SGCD: variants seen among roughly 807,000 people sequenced by gnomAD.
SGCD encodes the protein sarcoglycan delta.
A neutral mutation model predicts 36.6 loss-of-function variants in SGCD; 18 were observed. The observed-to-expected ratio is 0.49, with a 90% CI of 0.34 to 0.73. SGCD has a LOEUF of 0.73. Ranked by LOEUF, SGCD falls within the 30% of genes least tolerant of loss-of-function variation. The probability of loss-of-function intolerance (pLI) is 0.01; values close to 1 mark genes in which losing one functional copy is unlikely to be tolerated. For synonymous variants in SGCD, 133 were observed against 130.6 expected (o/e 1.02, Z -0.12); for missense variants, 387 against 346.7 (o/e 1.12, Z -0.92).
chr5:156,684,092 A>G (rs955375890), intron 7 of SGCD, among the ~76,000 whole-genome samples: 1 of 152,224 alleles, frequency 6.6e-6, no homozygotes, highest in African/African-American at 2.4e-5. Flanking sequence ...GGCCCTGCAC[A>G]TAGTAGGTCA....
rs1759898171 is a variant in SGCD at position 156,050,865 on chromosome 5, A to G, written c.-281-67013A>G. Among the ~76,000 whole-genome samples the G allele has an allele frequency of 1.4e-5, 2 of 146,448 alleles. 1 individual carries two copies. Among genetic ancestry groups the G allele is most frequent in the Non-Finnish European group, 3.1e-5 (2 of 64,980 alleles). On this transcript the variant is annotated intron_variant, in intron 1 of 9. Coordinates refer to the SGCD transcript ENST00000517913. The stretch of plus-strand genomic sequence containing the variant: ...ACCTCTTTCTCACCATTGTGCCTCC[A>G]TTTTACAAGAACCCTTTGATTACAT...
chr5:155,938,371 C>T (rs1490703472), intron 1 of SGCD, among the ~76,000 whole-genome samples: 4 of 152,176 alleles, frequency 2.6e-5, no homozygotes, highest in Non-Finnish European at 5.9e-5. Context: ...AATTTTTCAT[C>T]TGACAGCCCC....
At chr5:156,686,330 C>T (rs1581397793) in intron 7 of SGCD, among the ~76,000 whole-genome samples, 1 of 152,168 alleles carries the variant, frequency 6.6e-6, no homozygotes, top group South Asian at 2.1e-4. Flanking sequence ...ATGGTCATTT[C>T]GTCTCTGGGC....
At chr5:156,669,201 G>T (rs1046133066) in intron 7 of SGCD, among the ~76,000 whole-genome samples, 1 of 152,168 alleles carries the variant, frequency 6.6e-6, no homozygotes, top group Non-Finnish European at 1.5e-5. Context: ...CACACCATTC[G>T]CAGCTGATCG....
chr5:156,225,583 G>A (rs1242354169), intron 3 of SGCD, among the ~76,000 whole-genome samples: 3 of 152,114 alleles, frequency 2.0e-5, no homozygotes, highest in Non-Finnish European at 4.4e-5. Flanking sequence ...ATCCTTAAGT[G>A]CTTGCTGCTG....
intron 3 of SGCD, among the ~76,000 whole-genome samples, chr5:156,364,947 G>C (rs1010223445): frequency 6.6e-6 from 1 of 152,162 alleles, no homozygotes; most frequent in African/African-American, 2.4e-5. Context: ...TGGGCATCAT[G>C]GTGCATGTTG....
At chr5:156,097,373 C>T (rs1231468833) in intron 1 of SGCD, among the ~76,000 whole-genome samples, 1 of 152,068 alleles carries the variant, frequency 6.6e-6, no homozygotes, top group Non-Finnish European at 1.5e-5. Context: ...TGTTATTGGT[C>T]TCTGGGGCAC....
intron 1 of SGCD, among the ~76,000 whole-genome samples, chr5:156,026,233 T>C (rs1759224280): frequency 6.6e-6 from 1 of 152,240 alleles, no homozygotes; most frequent in Non-Finnish European, 1.5e-5. Flanking sequence ...AGAATGTACT[T>C]TGTGCCCCAA....
chr5:156,602,160 C>A (rs1348913657), intron 6 of SGCD, among the ~76,000 whole-genome samples: 1 of 151,986 alleles, frequency 6.6e-6, no homozygotes, highest in Non-Finnish European at 1.5e-5. Context: ...GAGATCTTTT[C>A]ACCTCCTTGC....
chr5:156,325,989 G>T (rs1767800397), upstream of SGCD, among the ~76,000 whole-genome samples: 1 of 152,154 alleles, frequency 6.6e-6, no homozygotes, highest in Admixed American at 6.5e-5. Flanking sequence ...TTAAAATCTG[G>T]CAAGCCAGTT....
intron 1 of SGCD, among the ~76,000 whole-genome samples, chr5:155,959,454 G>A (rs1757745318): frequency 6.6e-6 from 1 of 152,068 alleles, no homozygotes; most frequent in Admixed American, 6.6e-5. Flanking sequence ...GGGGATCTGA[G>A]TAGTAGCTTC....
At chr5:156,000,180 C>T (rs1758635545) in intron 1 of SGCD, among the ~76,000 whole-genome samples, 3 of 152,178 alleles carry the variant, frequency 2.0e-5, no homozygotes, top group African/African-American at 7.2e-5. Flanking sequence ...GTTACTCTCA[C>T]CCCCACAAAG....
intron 3 of SGCD, among the ~76,000 whole-genome samples, chr5:156,399,512 A>T (rs1436712865): frequency 6.6e-6 from 1 of 152,180 alleles, no homozygotes; most frequent in Non-Finnish European, 1.5e-5. Flanking sequence ...TTCCTTGATG[A>T]CCATGACCTT....
chr5:155,899,270 C>T (rs1379505573), intron 1 of SGCD, among the ~76,000 whole-genome samples: 1 of 152,130 alleles, frequency 6.6e-6, no homozygotes, highest in Non-Finnish European at 1.5e-5. Context: ...ACAGCTTTTT[C>T]CCTGGAAATT....
intron 1 of SGCD, among the ~76,000 whole-genome samples, chr5:155,969,400 G>A (rs1202499806): frequency 2.0e-5 from 3 of 152,092 alleles, no homozygotes; most frequent in African/African-American, 4.8e-5. Context: ...AGCTGAACAT[G>A]TACACTTTAA....
chr5:156,007,822 C>T (rs113798021), intron 1 of SGCD, among the ~76,000 whole-genome samples: 8 of 152,258 alleles, frequency 5.3e-5, no homozygotes, highest in Middle Eastern at 3.4e-3. Context: ...ATAAGGCAAA[C>T]GGGCTGGAAG....
chr5:156,650,708 G>T (rs1763425672), intron 7 of SGCD, among the ~76,000 whole-genome samples: 1 of 152,078 alleles, frequency 6.6e-6, no homozygotes, highest in African/African-American at 2.4e-5. Context: ...TGGTATATAT[G>T]TACCACATTT....
At chr5:156,334,314 G>C (rs1225056158) in intron 2 of SGCD, among the ~76,000 whole-genome samples, 3 of 152,184 alleles carry the variant, frequency 2.0e-5, no homozygotes, top group African/African-American at 7.2e-5. Context: ...AAGTGGCCAT[G>C]ATGGGGTAGA....
intron 4 of SGCD, among the ~76,000 whole-genome samples, chr5:156,584,273 C>A (rs1760402016): frequency 6.6e-6 from 1 of 152,252 alleles, no homozygotes; most frequent in South Asian, 2.1e-4. Context: ...CTTTCCTGAC[C>A]ACCCGAGTTA....
Sources: allele counts gnomAD v4.1 joint callset (sites outside exome capture counted in the v4.1 genomes callset), GRCh38; gene constraint gnomAD v4.1.1; transcripts MANE v1.5; gene names NCBI Gene and HGNC (gene_info 2026-07-23, HGNC 2026-07-21).